NELL2: variants seen among roughly 807,000 people sequenced by gnomAD.
NELL2 encodes the protein protein kinase C-binding protein NELL2.
NELL2 carries 41 observed loss-of-function variants against 109.6 expected under a neutral mutation model. The observed-to-expected ratio is 0.37, with a 90% CI of 0.29 to 0.49. NELL2 has a LOEUF of 0.49. Among genes scored for constraint, NELL2 ranks in the 20% least tolerant of loss-of-function variants. The pLI is 0.98. For missense variants in NELL2, 900 were observed against 1,008.3 expected, an observed-to-expected ratio of 0.89 and a Z score of 1.45; for synonymous variants, 355 against 344.7, an observed-to-expected ratio of 1.03 and a Z score of -0.33.
At chr12:44,847,367 A>G in intron 2 of NELL2, among the ~76,000 whole-genome samples, 1 of 152,310 alleles carries the variant, frequency 6.6e-6, no homozygotes, top group Middle Eastern at 3.4e-3. Flanking sequence ...TTATAATCAT[A>G]TATCCTATTA....
intron 15 of NELL2, among the ~76,000 whole-genome samples, chr12:44,573,797 A>AAT: frequency 6.6e-6 from 1 of 152,334 alleles, no homozygotes; most frequent in East Asian, 1.9e-4. Context: ...TGCAAGAGGA[A>AAT]ACATTTAAGA....
chr12:44,781,152 GA>G (rs367858267), intron 3 of NELL2, among the ~76,000 whole-genome samples: 1 of 150,332 alleles, frequency 6.7e-6, no homozygotes, highest in Non-Finnish European at 1.5e-5. Flanking sequence ...AGACTTAAAT[GA>G]AAAAAATAGA....
chr12:44,526,946 T>C (rs1014906964), intron 16 of NELL2, among the ~76,000 whole-genome samples: 2 of 152,214 alleles, frequency 1.3e-5, no homozygotes, highest in African/African-American at 4.8e-5. Flanking sequence ...TTCATACGCA[T>C]GTTCAAACTT....
chr12:44,644,264 C>T (rs1360292050), intron 13 of NELL2, among the ~76,000 whole-genome samples: 2 of 151,948 alleles, frequency 1.3e-5, no homozygotes, highest in Non-Finnish European at 2.9e-5. Context: ...GAGTAAGGTG[C>T]TAGCAGGACT....
At chr12:44,907,176 TG>T in intron 1 of NELL2, among the ~76,000 whole-genome samples, 1 of 152,264 alleles carries the variant, frequency 6.6e-6, no homozygotes, top group Admixed American at 6.5e-5. Flanking sequence ...TGCAGAACTA[TG>T]AGTCAATTAA....
chr12:44,814,882 T>G (rs1943290787), intron 3 of NELL2, among the ~76,000 whole-genome samples: 1 of 152,210 alleles, frequency 6.6e-6, no homozygotes, highest in African/African-American at 2.4e-5. Context: ...AGAAACCAAA[T>G]AAAGAGATTT....
rs200478354 is a variant in NELL2 at position 44,890,740 on chromosome 12, A to AT, written c.39-14841dup. Among the ~76,000 whole-genome samples the AT allele has an allele frequency of 0.015, 2,197 of 149,258 alleles. 79 individuals carry two copies. The East Asian group carries it at 0.15, about 10-fold the overall frequency. On this transcript the variant is annotated intron_variant, in intron 1 of 20. Coordinates refer to the NELL2 transcript ENST00000333837. Reference sequence around the variant, plus strand: ...TTATTTTTTTATTTTATTTTATTTTATTTTTTTTGATACAGAGTCTCACTC... The same window carrying AT: ...TTATTTTTTTATTTTATTTTATTTTATTTTTTTTTGATACAGAGTCTCACTC...
At chr12:44,877,936 A>G (rs1945366564), upstream of NELL2, among the ~76,000 whole-genome samples, 1 of 152,246 alleles carries the variant, frequency 6.6e-6, no homozygotes, top group Non-Finnish European at 1.5e-5. Context: ...TCATCAGAGA[A>G]TTAAAGACCT....
At chr12:44,519,872 G>A (rs1033433516) in intron 19 of NELL2, 133 bp downstream of exon 19, 37 of 765,916 alleles carry the variant, frequency 4.8e-5, no homozygotes, top group Non-Finnish European at 6.0e-5. Context: ...GTGGCATTCC[G>A]CCCACCTATG....
chr12:44,722,653 C>T (rs1428324403), intron 9 of NELL2, among the ~76,000 whole-genome samples: 8 of 152,090 alleles, frequency 5.3e-5, no homozygotes, highest in Non-Finnish European at 1.2e-4. Flanking sequence ...TGAAAATAAG[C>T]ACTGAGGGTG....
chr12:44,899,044 A>G (rs139653712), intron 1 of NELL2, among the ~76,000 whole-genome samples: 20,374 of 151,920 alleles, frequency 0.13, 1,432 homozygotes, highest in East Asian at 0.22. Context: ...AAAGTATGAA[A>G]ACAAGATTAG....
intron 1 of NELL2, among the ~76,000 whole-genome samples, chr12:44,886,084 T>G (rs77100198): frequency 0.022 from 2,528 of 115,794 alleles, 75 homozygotes; most frequent in East Asian, 0.12. Context: ...ATCCATATAG[T>G]AAGGAAGGAA....
At chr12:44,543,600 T>C (rs1942669754) in intron 15 of NELL2, among the ~76,000 whole-genome samples, 2 of 152,222 alleles carry the variant, frequency 1.3e-5, no homozygotes, top group Non-Finnish European at 2.9e-5. Context: ...GGCTGAAGAC[T>C]ACATTTCCCA....
At chr12:44,823,962 A>T (rs1445703963) in intron 2 of NELL2, among the ~76,000 whole-genome samples, 1 of 152,086 alleles carries the variant, frequency 6.6e-6, no homozygotes, top group Non-Finnish European at 1.5e-5. Context: ...TCAATTTTTT[A>T]AATTTGCATT....
chr12:44,920,289 T>G (rs1044532452), intron 1 of NELL2, among the ~76,000 whole-genome samples: 7 of 152,200 alleles, frequency 4.6e-5, no homozygotes, highest in African/African-American at 1.7e-4. Flanking sequence ...AGAATCCATT[T>G]GGACATATCT....
intron 13 of NELL2, among the ~76,000 whole-genome samples, chr12:44,644,631 CAT>C (rs144306927): frequency 6.2e-4 from 63 of 100,888 alleles, no homozygotes; most frequent in South Asian, 5.3e-3. Context: ...TATATACATA[CAT>C]ATATATATAT....
intron 9 of NELL2, among the ~76,000 whole-genome samples, chr12:44,751,585 A>T (rs1471098975): frequency 6.6e-6 from 1 of 152,206 alleles, no homozygotes; most frequent in Non-Finnish European, 1.5e-5. Flanking sequence ...ACATGTATGG[A>T]TGACCAAGAT....
chr12:44,534,587 T>C (rs1372236075), intron 15 of NELL2, among the ~76,000 whole-genome samples: 5 of 152,174 alleles, frequency 3.3e-5, no homozygotes, highest in Non-Finnish European at 5.9e-5. Context: ...TGATTATAAA[T>C]AGATTCAGAA....
chr12:44,523,441 A>G lies in NELL2; in HGVS notation c.1848T>C (p.Asp616=). The change falls in exon 17 of 20, where the codon GAT becomes GAC. Residue 616 remains aspartate (D), a synonymous_variant. Coordinates refer to ENST00000429094, the MANE Select transcript of NELL2 (RefSeq NM_001145108.2). The part of the protein sequence containing the change: ...CGTGRHSCAN[D]TICFNLDGGY... ...CGCCATCCAAATTGAAGCAAATGGT[A>G]TCATTGGCACAGCTGTGCCTCCCGG... is the stretch of plus-strand genomic sequence containing the variant. 6.2e-7 allele frequency: 1 copy of G among 1,614,110 alleles called. No individual in the cohort carries two copies. The highest frequency in any genetic ancestry group is 8.5e-7 in the Non-Finnish European group (1 of 1,180,016).
Sources: allele counts gnomAD v4.1 joint callset (sites outside exome capture counted in the v4.1 genomes callset), GRCh38; gene constraint gnomAD v4.1.1; transcripts MANE v1.5; gene names NCBI Gene and HGNC (gene_info 2026-07-23, HGNC 2026-07-21).